Variants in DNAH14 observed in about 807,000 individuals in gnomAD.
DNAH14 encodes axonemal beta dynein heavy chain 14.
A neutral mutation model predicts 520.9 loss-of-function variants in DNAH14; 478 were observed. That is an observed-to-expected ratio of 0.92 (90% confidence interval 0.85 to 0.99). The LOEUF (loss-of-function observed/expected upper bound fraction) is 0.99. Ranked by LOEUF, DNAH14 falls within the 50% of genes least tolerant of loss-of-function variation. DNAH14 has a pLI of 0.00. For synonymous variants in DNAH14, 1,581 were observed against 1,757.2 expected (o/e 0.90, Z 2.51); for missense variants, 4,831 against 5,234.5 (o/e 0.92, Z 2.38).
intron 71 of DNAH14, 138 bp downstream of exon 71, chr1:225,346,792 C>G (rs1335646584): frequency 1.7e-6 from 1 of 584,644 alleles, no homozygotes; most frequent in Non-Finnish European, 2.9e-6. Flanking sequence ...CACTGTTACT[C>G]AATAATTTTT....
At chr1:225,365,408 A>C (rs574711343) in intron 76 of DNAH14, among the ~76,000 whole-genome samples, 21 of 152,288 alleles carry the variant, frequency 1.4e-4, no homozygotes, top group African/African-American at 4.8e-4. Context: ...CAGCAGAGAA[A>C]ACTGACCGAT....
intron 17 of DNAH14, among the ~76,000 whole-genome samples, chr1:225,052,714 T>C (rs1321350219): frequency 1.3e-5 from 2 of 152,054 alleles, no homozygotes; most frequent in Admixed American, 6.6e-5. Context: ...GCATAGCCAA[T>C]GGGGGATGGC....
chr1:225,052,841 A>G (rs569809986), intron 17 of DNAH14, among the ~76,000 whole-genome samples: 2 of 152,236 alleles, frequency 1.3e-5, no homozygotes, highest in Admixed American at 6.5e-5. Context: ...TTTGAAACTA[A>G]TTTTTCTCTC....
chr1:225,142,035 A>T (rs1445707458), intron 28 of DNAH14, among the ~76,000 whole-genome samples: 1 of 152,240 alleles, frequency 6.6e-6, no homozygotes, highest in Non-Finnish European at 1.5e-5. Context: ...ACTATATTTT[A>T]TCTGAATACT....
At chr1:224,986,577 A>G (rs2062659984) in intron 8 of DNAH14, among the ~76,000 whole-genome samples, 1 of 152,216 alleles carries the variant, frequency 6.6e-6, no homozygotes, top group South Asian at 2.1e-4. Context: ...GACAAAAACC[A>G]TATGATCATT....
At chr1:225,186,266 T>C (rs1481263358) in intron 37 of DNAH14, among the ~76,000 whole-genome samples, 1 of 151,784 alleles carries the variant, frequency 6.6e-6, no homozygotes, top group Admixed American at 6.6e-5. Flanking sequence ...AGATTATACA[T>C]GTAGTAGTTC....
Position 225,232,945 on chromosome 1 carries a change from C to T in DNAH14, c.6518+1794C>T, listed in dbSNP as rs1045742462. The stretch of plus-strand genomic sequence containing the variant: ...CATTCATTAGCTATTTTTCCTGATG[C>T]CCTTCCTCCCCTGACCACCACCCCA... On this transcript the variant is annotated intron_variant, in intron 42 of 85. Coordinates refer to ENST00000682510, the MANE Select transcript of DNAH14 (RefSeq NM_001367479.1). The surrounding 1 kb of genome is among the most constrained non-coding windows in gnomAD (Gnocchi z 4.2). Among the ~76,000 whole-genome samples, 1 of 152,118 alleles carries T rather than the reference C, an allele frequency of 6.6e-6. No individual in the cohort carries two copies. Among genetic ancestry groups the T allele is most frequent in the African/African-American group, 2.4e-5 (1 of 41,432 alleles).
At chr1:225,264,053 CTGAAAAGGT>C in intron 46 of DNAH14, 135 bp from the exon 47 acceptor site, 1 of 615,102 alleles carries the variant, frequency 1.6e-6, no homozygotes, top group East Asian at 2.9e-5. Flanking sequence ...CTAATTTCAT[CTGAAAAGGT>C]GGAAACAGAA....
chr1:225,095,111 C>T (rs1573025742), intron 21 of DNAH14, among the ~76,000 whole-genome samples: 1 of 152,008 alleles, frequency 6.6e-6, no homozygotes, highest in African/African-American at 2.4e-5. Context: ...GTACCTAAAA[C>T]AGAACTACCA....
At chr1:225,369,536 A>G (rs2095593378) in intron 77 of DNAH14, among the ~76,000 whole-genome samples, 1 of 152,036 alleles carries the variant, frequency 6.6e-6, no homozygotes, top group Non-Finnish European at 1.5e-5. Context: ...ATGTACATAT[A>G]TATGTATATA....
chr1:225,252,513 T>C (rs1351126023), intron 44 of DNAH14, 96 bp downstream of exon 44: 1 of 674,646 alleles, frequency 1.5e-6, no homozygotes, highest in Non-Finnish European at 2.4e-6. Context: ...ATAAAAGTAA[T>C]TATATCTGCA....
intron 36 of DNAH14, among the ~76,000 whole-genome samples, chr1:225,175,424 G>A (rs116785899): frequency 3.0e-3 from 452 of 152,000 alleles, no homozygotes; most frequent in African/African-American, 0.011. Context: ...CTAATTTGTT[G>A]GCATATAGTT....
intron 4 of DNAH14, among the ~76,000 whole-genome samples, chr1:224,963,037 T>A (rs930868647): frequency 6.6e-6 from 1 of 152,140 alleles, no homozygotes; most frequent in Admixed American, 6.6e-5. Flanking sequence ...AGTTTGCAAT[T>A]CCCTGATTAC....
chr1:224,947,243 T>A (rs931914698), intron 1 of DNAH14, among the ~76,000 whole-genome samples: 1 of 152,168 alleles, frequency 6.6e-6, no homozygotes, highest in South Asian at 2.1e-4. Flanking sequence ...ACTGTTTCTG[T>A]GATTTCCATA....
At chr1:224,979,922 A>G (rs1356404753) in intron 8 of DNAH14, among the ~76,000 whole-genome samples, 1 of 152,122 alleles carries the variant, frequency 6.6e-6, no homozygotes, top group African/African-American at 2.4e-5. Context: ...GAAGGGAAGG[A>G]CCCAGTTCTG....
At chr1:225,332,691 A>G in intron 65 of DNAH14, among the ~76,000 whole-genome samples, 1 of 152,058 alleles carries the variant, frequency 6.6e-6, no homozygotes, top group East Asian at 1.9e-4. Context: ...ATAAATGGAT[A>G]CTTTATAAAC....
chr1:225,151,002 A>G (rs529818250), intron 31 of DNAH14, among the ~76,000 whole-genome samples: 3 of 152,230 alleles, frequency 2.0e-5, no homozygotes, highest in African/African-American at 4.8e-5. Flanking sequence ...ATGAGCCACC[A>G]CACCCAGTGA....
chr1:225,360,546 T>C (rs1158376807), intron 74 of DNAH14, 135 bp from the exon 75 acceptor site: 1 of 853,150 alleles, frequency 1.2e-6, no homozygotes, highest in Non-Finnish European at 1.8e-6. Context: ...CTCTGGGCTC[T>C]AATTTCAAAA....
chr1:225,251,868 A>C (rs2092566917), intron 43 of DNAH14, among the ~76,000 whole-genome samples: 2 of 152,314 alleles, frequency 1.3e-5, no homozygotes, highest in South Asian at 4.1e-4. Flanking sequence ...TGGCTAAATT[A>C]GTTTACTTTT....
Sources: gnomAD v4.1 joint callset for allele counts (sites outside exome capture counted in the v4.1 genomes callset) on GRCh38, gnomAD v4.1.1 for gene constraint, Gnocchi (gnomAD v3.1) non-coding constraint, MANE v1.5 for transcripts, NCBI Gene and HGNC (gene_info 2026-07-23, HGNC 2026-07-21) for gene names.